GCH1: variants seen among roughly 807,000 people sequenced by gnomAD.
The protein encoded by GCH1 is GTP cyclohydrolase I.
GCH1 carries 5 observed loss-of-function variants against 25.9 expected under a neutral mutation model. The observed-to-expected ratio is 0.19, with a 90% CI of 0.10 to 0.41. The LOEUF (loss-of-function observed/expected upper bound fraction) is 0.41, where lower values mean the gene tolerates loss of function less well. Among genes scored for constraint, GCH1 ranks in the 10% least tolerant of loss-of-function variants. The pLI is 1.00. For missense variants in GCH1, 261 were observed against 336.5 expected, an observed-to-expected ratio of 0.78 and a Z score of 1.75; for synonymous variants, 159 against 129.6, an observed-to-expected ratio of 1.23 and a Z score of -1.54.
rs577605720 is a variant in GCH1, at chr14:54,880,191, T to A, written c.344-14755A>T. 2.3e-3 allele frequency among the ~76,000 whole-genome samples: 344 copies of A among 150,008 alleles called. 2 individuals are homozygous for A. Among genetic ancestry groups the A allele is most frequent in the African/African-American group, 7.9e-3 (323 of 41,014 alleles). Reference sequence around the variant, plus strand: ...AAATTCAGTATAGTGGTTACCTCTGTAGTGAGATGATAACTGGATCAGGAA... The same window carrying A: ...AAATTCAGTATAGTGGTTACCTCTGAAGTGAGATGATAACTGGATCAGGAA... On this transcript the variant is annotated intron_variant, in intron 1 of 5. Transcript: ENST00000491895.
chr14:54,881,706 T>C (rs559854762), intron 1 of GCH1, among the ~76,000 whole-genome samples: 2 of 152,326 alleles, frequency 1.3e-5, no homozygotes, highest in South Asian at 4.1e-4. Context: ...ACTTATTTCA[T>C]AAACTGTAGG....
intron 1 of GCH1, among the ~76,000 whole-genome samples, chr14:54,868,851 C>CGG (rs1566670811): frequency 6.6e-6 from 1 of 151,838 alleles, no homozygotes; most frequent in Non-Finnish European, 1.5e-5. Flanking sequence ...CCACCCGCCT[C>CGG]AGCCTCCCAA....
At chr14:54,864,884 C>T (rs1385119254) in intron 2 of GCH1, among the ~76,000 whole-genome samples, 1 of 152,182 alleles carries the variant, frequency 6.6e-6, no homozygotes, top group Non-Finnish European at 1.5e-5. Context: ...TAACCTCTGT[C>T]ACAAGAAATT....
intron 1 of GCH1, chr14:54,886,088 T>G (rs1595014269): frequency 5.9e-6 from 1 of 170,064 alleles, no homozygotes. Flanking sequence ...TTGAGCCAGG[T>G]AATAGACTCT....
chr14:54,900,209 G>A (rs1163062835), intron 1 of GCH1, among the ~76,000 whole-genome samples: 1 of 149,154 alleles, frequency 6.7e-6, no homozygotes, highest in Non-Finnish European at 1.5e-5. Context: ...CAGTTTTTTT[G>A]TTTTTTTTGT....
At chr14:54,856,554 G>C (rs2039814373) in intron 3 of GCH1, among the ~76,000 whole-genome samples, 1 of 152,156 alleles carries the variant, frequency 6.6e-6, no homozygotes, top group South Asian at 2.1e-4. Context: ...CCAGGTTCAA[G>C]CGATTCTTCC....
chr14:54,864,004 A>T (rs1355964849), intron 2 of GCH1, among the ~76,000 whole-genome samples: 1 of 152,062 alleles, frequency 6.6e-6, no homozygotes, highest in Non-Finnish European at 1.5e-5. Flanking sequence ...CAGTACAGGC[A>T]TGCACCACCA....
intron 1 of GCH1, among the ~76,000 whole-genome samples, chr14:54,874,655 C>G (rs536586725): frequency 6.6e-6 from 1 of 152,274 alleles, no homozygotes; most frequent in South Asian, 2.1e-4. Flanking sequence ...TCTCAGGATA[C>G]AAAATCAATG....
chr14:54,902,773 G>A lies in GCH1; in HGVS notation c.-110C>T, dbSNP rs1369617067. 3.7e-6 allele frequency: 5 copies of A among 1,333,502 alleles called. No homozygotes were observed. The African/African-American group carries it at 7.7e-5, about 21-fold the overall frequency. 82.6% of individuals were successfully genotyped at this position (1,333,502 alleles called of 1,614,324 possible). A position where few individuals can be genotyped will look rare whatever the true frequency, so the allele number is the denominator to read the frequency against. On this transcript the variant is annotated 5_prime_UTR_variant, in exon 1 of 6. Coordinates refer to ENST00000491895, the MANE Select transcript of GCH1 (RefSeq NM_000161.3). Reference sequence around the variant, plus strand: ...ATGGGCTGTGGCCGGAGTCACCTGAGGAAGGTACGCAACCTGCTTAGATCA... The same window carrying A: ...ATGGGCTGTGGCCGGAGTCACCTGAAGAAGGTACGCAACCTGCTTAGATCA...
intron 1 of GCH1, among the ~76,000 whole-genome samples, chr14:54,899,780 C>A (rs541037928): frequency 6.6e-6 from 1 of 152,314 alleles, no homozygotes; most frequent in African/African-American, 2.4e-5. Context: ...AAAGGAAGCT[C>A]CATACTCATT....
At chr14:54,849,640 T>G (rs1485066647) in intron 3 of GCH1, among the ~76,000 whole-genome samples, 1 of 152,252 alleles carries the variant, frequency 6.6e-6, no homozygotes, top group Non-Finnish European at 1.5e-5. Flanking sequence ...ATATTTTGCA[T>G]GTGTTCTAGA....
intron 1 of GCH1, among the ~76,000 whole-genome samples, chr14:54,871,426 T>C (rs2040075470): frequency 6.6e-6 from 1 of 152,146 alleles, no homozygotes; most frequent in Non-Finnish European, 1.5e-5. Context: ...CTGGAAACTC[T>C]AAACATCAGA....
At chr14:54,882,441 T>C (rs2040284896) in intron 1 of GCH1, among the ~76,000 whole-genome samples, 1 of 152,278 alleles carries the variant, frequency 6.6e-6, no homozygotes, top group Admixed American at 6.5e-5. Context: ...CTGGTCTCAG[T>C]TTACTACTCT....
intron 2 of GCH1, among the ~76,000 whole-genome samples, chr14:54,864,492 ACTCAGATTTAAATTCCT>A (rs1357975764): frequency 6.6e-6 from 1 of 152,158 alleles, no homozygotes; most frequent in Admixed American, 6.5e-5. Context: ...CTAATAACTA[ACTCAGATTTAAATTCCT>A]CCAATTGTCT....
At chr14:54,885,222 TC>T in intron 1 of GCH1, 1 of 199,420 alleles carries the variant, frequency 5.0e-6, no homozygotes, top group Non-Finnish European at 1.1e-5. Flanking sequence ...GCCCATTCCT[TC>T]CCCACACTGA....
rs879031078 is a variant in GCH1, at chr14:54,886,228, T to A, written c.343+16093A>T. 6 of 154,720 alleles carry A rather than the reference T, an allele frequency of 3.9e-5. 1 individual carries two copies. The South Asian group carries it at 1.2e-3, about 30-fold the overall frequency. 9.6% of individuals were successfully genotyped at this position (154,720 alleles called of 1,614,324 possible). A position where few individuals can be genotyped will look rare whatever the true frequency, so the allele number is the denominator to read the frequency against. On this transcript the variant is annotated intron_variant, in intron 1 of 5. Coordinates refer to ENST00000491895, the MANE Select transcript of GCH1 (RefSeq NM_000161.3). Reference sequence around the variant, plus strand: ...GGTCTCCATTCATTTTGTTCCTGGATGTGAGTTCCTGCTTGGACAGCATTT... The same window carrying A: ...GGTCTCCATTCATTTTGTTCCTGGAAGTGAGTTCCTGCTTGGACAGCATTT...
At chr14:54,900,889 A>AC (rs2040557344) in intron 1 of GCH1, among the ~76,000 whole-genome samples, 4 of 146,900 alleles carry the variant, frequency 2.7e-5, no homozygotes, top group East Asian at 4.0e-4. Flanking sequence ...ACACACACAC[A>AC]AATTTAAAGC....
In GCH1 at chr14:54,842,465, C is replaced by T. The variant is rs1292435303; in HGVS notation, c.*1552G>A. On this transcript the variant is annotated 3_prime_UTR_variant, in exon 6 of 6. Coordinates refer to ENST00000491895, the MANE Select transcript of GCH1 (RefSeq NM_000161.3). ...AATATTAAGCAGGCTAATGTTTATA[C>T]TGGGCTAGATTTAAAAAGGTACTCA... 1 of 152,612 alleles carries T rather than the reference C, an allele frequency of 6.6e-6. No individual in the cohort carries two copies. The highest frequency in any genetic ancestry group is 2.1e-4 in the South Asian group (1 of 4,828). The allele number at this position is 152,612 out of a possible 1,614,324, so 9.5% of individuals were successfully genotyped here. A position where few individuals can be genotyped will look rare whatever the true frequency, so the allele number is the denominator to read the frequency against.
intron 3 of GCH1, 127 bp from the exon 4 acceptor site, chr14:54,847,257 A>C: frequency 1.9e-6 from 1 of 519,254 alleles, no homozygotes. Flanking sequence ...AGCTTATGGC[A>C]AGATGACAGA....
Sources: allele counts gnomAD v4.1 joint callset (sites outside exome capture counted in the v4.1 genomes callset), GRCh38; gene constraint gnomAD v4.1.1; transcripts MANE v1.5; gene names NCBI Gene and HGNC (gene_info 2026-07-23, HGNC 2026-07-21).